EPHB1: variants seen among roughly 807,000 people sequenced by gnomAD.
The protein encoded by EPHB1 is EPH receptor B1.
A neutral mutation model predicts 94.4 loss-of-function variants in EPHB1; 30 were observed. That is an observed-to-expected ratio of 0.32 (90% CI 0.24 to 0.43). EPHB1 has a LOEUF of 0.43. Among genes scored for constraint, EPHB1 ranks in the 20% least tolerant of loss-of-function variants. EPHB1 has a pLI of 1.00. For synonymous variants in EPHB1, 522 were observed against 489.1 expected (o/e 1.07, Z -0.89); for missense variants, 1,055 against 1,308.3 (o/e 0.81, Z 2.99).
intron 3 of EPHB1, among the ~76,000 whole-genome samples, chr3:135,054,066 C>T (rs2107773225): frequency 6.6e-6 from 1 of 150,908 alleles, no homozygotes; most frequent in East Asian, 1.9e-4. Flanking sequence ...CACACACACA[C>T]ACACATAGCA....
At position 135,248,388 on chromosome 3, in the gene EPHB1, A is replaced by G. The variant is rs764963089; in HGVS notation, c.2569A>G (p.Met857Val). The part of the protein sequence containing the change: ...MDCPAALHQL[M>V]LDCWQKDRNS... ...CTGTCCAGCTGCTCTACACCAGCTC[A>G]TGCTGGACTGTTGGCAGAAGGACCG... Residue 857 changes from methionine (M) to valine (V), a missense_variant, in exon 14 of 16, where the codon ATG becomes GTG. Coordinates refer to ENST00000398015, the MANE Select transcript of EPHB1 (RefSeq NM_004441.5). 2 of 1,613,838 alleles carry G rather than the reference A, an allele frequency of 1.2e-6. No individual in the cohort carries two copies. Among genetic ancestry groups the G allele is most frequent in the Non-Finnish European group, 1.7e-6 (2 of 1,179,880 alleles).
intron 3 of EPHB1, among the ~76,000 whole-genome samples, chr3:134,982,206 C>A (rs1934426830): frequency 6.6e-6 from 1 of 152,104 alleles, no homozygotes; most frequent in South Asian, 2.1e-4. Flanking sequence ...AAACAACAAA[C>A]AGACAAAGAT....
At chr3:134,824,524 C>T (rs2036441327) in intron 1 of EPHB1, among the ~76,000 whole-genome samples, 1 of 152,190 alleles carries the variant, frequency 6.6e-6, no homozygotes, top group Admixed American at 6.5e-5. Flanking sequence ...AAAGATGCTA[C>T]AGCAGTTATC....
intron 13 of EPHB1, among the ~76,000 whole-genome samples, chr3:135,247,936 TG>T (rs765843302): frequency 2.0e-5 from 3 of 152,208 alleles, no homozygotes; most frequent in Admixed American, 6.5e-5. Flanking sequence ...CATGTGTCAT[TG>T]TTTCATCACT....
chr3:134,959,804 T>TTG (rs775873012), intron 3 of EPHB1, among the ~76,000 whole-genome samples: 11 of 152,042 alleles, frequency 7.2e-5, no homozygotes, highest in Admixed American at 2.0e-4. Context: ...GACTGGGGGA[T>TTG]TGTGTTTCTC....
At chr3:135,229,807 G>C (rs1943489799) in intron 12 of EPHB1, among the ~76,000 whole-genome samples, 1 of 152,210 alleles carries the variant, frequency 6.6e-6, no homozygotes, top group Non-Finnish European at 1.5e-5. Flanking sequence ...GCCTGCCGTA[G>C]CAAGTGCAGC....
intron 3 of EPHB1, among the ~76,000 whole-genome samples, chr3:134,984,746 G>C (rs1311566226): frequency 6.6e-6 from 1 of 152,178 alleles, no homozygotes; most frequent in Non-Finnish European, 1.5e-5. Flanking sequence ...GATCACAGCA[G>C]ATCCAGGTAT....
chr3:134,943,930 T>C (rs1407781475), intron 2 of EPHB1, among the ~76,000 whole-genome samples: 1 of 152,052 alleles, frequency 6.6e-6, no homozygotes, highest in South Asian at 2.1e-4. Context: ...AACAGAGGGG[T>C]TTTATTTTAA....
At chr3:135,173,710 C>T (rs977933776) in intron 9 of EPHB1, among the ~76,000 whole-genome samples, 3 of 152,222 alleles carry the variant, frequency 2.0e-5, no homozygotes, top group Non-Finnish European at 2.9e-5. Flanking sequence ...TGCTACCACC[C>T]GTGTGCCTCC....
At position 134,853,105 on chromosome 3, in the gene EPHB1, A is replaced by G. The variant is rs535618516; in HGVS notation, c.58+57416A>G. ...AGAAATAGACAAAGCTCAGAAGTGG[A>G]AGAGAAAGAAGTAGAATAGAAAATG... On this transcript the variant is annotated intron_variant, in intron 1 of 15. Transcript: ENST00000398015. Among the ~76,000 whole-genome samples, 7 of 152,320 alleles carry G rather than the reference A, an allele frequency of 4.6e-5. No individual in the cohort carries two copies. The East Asian group carries it at 1.4e-3, about 29-fold the overall frequency.
chr3:135,050,622 G>A, intron 3 of EPHB1, among the ~76,000 whole-genome samples: 1 of 152,102 alleles, frequency 6.6e-6, no homozygotes, highest in Non-Finnish European at 1.5e-5. Context: ...GTTGGAGGTG[G>A]GCCTAATAGG....
chr3:135,055,119 T>G (rs1253838176), intron 3 of EPHB1, among the ~76,000 whole-genome samples: 1 of 152,198 alleles, frequency 6.6e-6, no homozygotes, highest in African/African-American at 2.4e-5. Flanking sequence ...ATTTTGATAT[T>G]AAAAAAATCA....
At chr3:135,001,063 G>T (rs979264645) in intron 3 of EPHB1, among the ~76,000 whole-genome samples, 2 of 152,062 alleles carry the variant, frequency 1.3e-5, no homozygotes, top group Non-Finnish European at 1.5e-5. Flanking sequence ...CATGTATCTG[G>T]CCTGGAGGAG....
intron 2 of EPHB1, among the ~76,000 whole-genome samples, chr3:134,933,114 G>A (rs2038935168): frequency 1.1e-4 from 16 of 152,142 alleles, no homozygotes; most frequent in Admixed American, 1.0e-3. Flanking sequence ...AAGTTTGGGT[G>A]GTTATCAATC....
chr3:135,030,578 C>A (rs569571203), intron 3 of EPHB1, among the ~76,000 whole-genome samples: 2 of 152,210 alleles, frequency 1.3e-5, no homozygotes, highest in Admixed American at 1.3e-4. Context: ...GCAGTCTGCC[C>A]GTTCTCAGAT....
At chr3:135,082,379 TGAA>T (rs1452877687) in intron 3 of EPHB1, among the ~76,000 whole-genome samples, 2 of 152,218 alleles carry the variant, frequency 1.3e-5, no homozygotes, top group African/African-American at 4.8e-5. Context: ...ATAACGATGA[TGAA>T]GAACTAACTC....
intron 3 of EPHB1, among the ~76,000 whole-genome samples, chr3:134,968,260 A>G (rs1406186483): frequency 6.6e-6 from 1 of 152,234 alleles, no homozygotes; most frequent in Non-Finnish European, 1.5e-5. Flanking sequence ...CACCTTGCAA[A>G]GGTTTAAAAA....
chr3:135,120,488 GGAGGGACTGTA>G lies in EPHB1; in HGVS notation c.962-12220_962-12210del, dbSNP rs1340545158. On this transcript the variant is annotated intron_variant, in intron 4 of 15. Transcript: ENST00000398015. ...ACATCTAACAGAGGCTGGCCAACAG[GGAGGGACTGTA>G]GAGGGTGTTTGTCACCAGAGATACA... Among the ~76,000 whole-genome samples, 9 of 152,300 alleles carry G rather than the reference GGAGGGACTGTA, an allele frequency of 5.9e-5. No homozygotes were observed. The East Asian group carries it at 1.7e-3, about 29-fold the overall frequency.
In EPHB1 at chr3:134,943,675, G is replaced by A. The variant is rs1331756321; in HGVS notation, c.124-7696G>A. On this transcript the variant is annotated intron_variant, in intron 2 of 15. Coordinates refer to ENST00000398015, the MANE Select transcript of EPHB1 (RefSeq NM_004441.5). ...CCCCAGGTCCTCAGTATCAGTGATAGGGATGCTTCCTTGGCCTCCTAGCCC... is the reference window on the plus strand; with the variant it reads ...CCCCAGGTCCTCAGTATCAGTGATAAGGATGCTTCCTTGGCCTCCTAGCCC... 5.9e-5 allele frequency among the ~76,000 whole-genome samples: 9 copies of A among 152,186 alleles called. No homozygotes were observed. In the South Asian group the frequency reaches 1.5e-3, roughly 25 times the overall value.
Sources: allele counts gnomAD v4.1 joint callset (sites outside exome capture counted in the v4.1 genomes callset), GRCh38; gene constraint gnomAD v4.1.1; transcripts MANE v1.5; gene names NCBI Gene and HGNC (gene_info 2026-07-23, HGNC 2026-07-21).